Variants in TRIM27 observed in about 807,000 individuals in gnomAD.
TRIM27 encodes the protein tripartite motif containing 27, also known as zinc finger protein RFP.
TRIM27 carries 12 observed loss-of-function variants against 57.6 expected under a neutral mutation model. The observed-to-expected ratio is 0.21, with a 90% confidence interval of 0.13 to 0.34. The LOEUF (loss-of-function observed/expected upper bound fraction) is 0.34. TRIM27 is among the 10% of genes least tolerant of loss of function. TRIM27 has a pLI of 1.00. For missense variants in TRIM27, 403 were observed against 656.8 expected, an observed-to-expected ratio of 0.61 and a Z score of 4.22; for synonymous variants, 266 against 259.0, an observed-to-expected ratio of 1.03 and a Z score of -0.26.
intron 1 of TRIM27, among the ~76,000 whole-genome samples, chr6:28,922,759 T>C (rs1774144700): frequency 6.6e-6 from 1 of 152,208 alleles, no homozygotes; most frequent in Non-Finnish European, 1.5e-5. Context: ...TGTTCTTTTC[T>C]GTGAGTTTCT....
intron 4 of TRIM27, among the ~76,000 whole-genome samples, chr6:28,910,537 T>G (rs986364619): frequency 6.6e-6 from 1 of 151,764 alleles, no homozygotes; most frequent in Non-Finnish European, 1.5e-5. Context: ...ACCATGTTGG[T>G]CAGGCTGGTC....
Position 28,923,526 on chromosome 6 carries a change from C to T in TRIM27, c.107G>A (p.Cys36Tyr). 6.2e-7 allele frequency: 1 copy of T among 1,612,086 alleles called. No homozygotes were observed. The highest frequency in any genetic ancestry group is 8.5e-7 in the Non-Finnish European group (1 of 1,179,638). The part of the protein sequence containing the change: ...PMMLDCGHNI[C>Y]CACLARCWGT... ...CCAGCAGCGGGCGAGGCACGCGCAACAGATGTTATGGCCGCAGTCGAGCAT... is the reference window on the plus strand; with the variant it reads ...CCAGCAGCGGGCGAGGCACGCGCAATAGATGTTATGGCCGCAGTCGAGCAT... Residue 36 changes from cysteine (C) to tyrosine (Y), a missense_variant, in exon 1 of 8, where the codon TGT (cysteine) becomes TAT (tyrosine). Physicochemically the swap from Cys to Tyr is radical, Grantham distance 194. Transcript: ENST00000377199.
intron 3 of TRIM27, among the ~76,000 whole-genome samples, chr6:28,912,183 C>T (rs772615958): frequency 1.3e-5 from 2 of 150,144 alleles, no homozygotes; most frequent in Non-Finnish European, 2.9e-5. Flanking sequence ...GATCTTGGCT[C>T]ACTGCAACCT....
At chr6:28,922,902 G>A (rs951169400) in intron 1 of TRIM27, among the ~76,000 whole-genome samples, 2 of 152,134 alleles carry the variant, frequency 1.3e-5, no homozygotes, top group Admixed American at 6.5e-5. Context: ...TTGTCGATGT[G>A]TACGCGGTTT....
At chr6:28,913,045 CG>C (rs1773324990) in intron 3 of TRIM27, among the ~76,000 whole-genome samples, 1 of 151,966 alleles carries the variant, frequency 6.6e-6, no homozygotes, top group Non-Finnish European at 1.5e-5. Context: ...CACCTGAGGT[CG>C]GGAGTTTGGG....
chr6:28,919,958 G>C, intron 3 of TRIM27, 54 bp downstream of exon 3: 1 of 1,538,642 alleles, frequency 6.5e-7, no homozygotes, highest in Non-Finnish European at 8.8e-7. Flanking sequence ...TGGCAAAGGA[G>C]AAGGGACGAT....
rs1774289252 is a variant in TRIM27, at chr6:28,923,985, T to G, written c.-353A>C. ...GTCCGAGCGGATGCCGGCGGCAGCG[T>G]AAACCCCACCCCAGCGCGAGCGGAA... On this transcript the variant is annotated 5_prime_UTR_variant, in exon 1 of 8. Coordinates refer to ENST00000377199, the MANE Select transcript of TRIM27 (RefSeq NM_006510.5). The G allele has an allele frequency of 3.1e-6, 1 of 323,114 alleles. No individual in the cohort carries two copies. Among genetic ancestry groups the G allele is most frequent in the African/African-American group, 2.1e-5 (1 of 47,292 alleles). 20.0% of individuals were successfully genotyped at this position (323,114 alleles called of 1,614,324 possible). A position where few individuals can be genotyped will look rare whatever the true frequency, so the allele number is the denominator to read the frequency against.
chr6:28,920,415 T>C (rs535432468), intron 2 of TRIM27, among the ~76,000 whole-genome samples, 173 bp from the exon 3 acceptor site: 1 of 152,268 alleles, frequency 6.6e-6, no homozygotes, highest in Non-Finnish European at 1.5e-5. Flanking sequence ...AGGAACTGAA[T>C]TACCCCAGTG....
At position 28,904,915 on chromosome 6, in the gene TRIM27, C is replaced by T; in HGVS notation, c.947-250G>A. ...TCACATCTGAAGCCACAATATCCAT[C>T]ATGAACTGATTTTAAGAGATAGGGT... is the stretch of plus-strand genomic sequence containing the variant. On this transcript the variant is annotated intron_variant, in intron 7 of 7. Coordinates refer to ENST00000377199, the MANE Select transcript of TRIM27 (RefSeq NM_006510.5). This position sits in a 1 kb window ranked among gnomAD's most constrained non-coding sequence, Gnocchi z 6.1. The T allele has an allele frequency of 1.9e-6, 1 of 537,408 alleles. No individual in the cohort carries two copies. The highest frequency in any genetic ancestry group is 3.3e-6 in the Non-Finnish European group (1 of 303,028). The allele number at this position is 537,408 out of a possible 1,614,324, so 33.3% of individuals were successfully genotyped here.
intron 7 of TRIM27, chr6:28,906,942 T>C: frequency 2.6e-6 from 1 of 391,892 alleles, no homozygotes; most frequent in Non-Finnish European, 4.6e-6. Context: ...AGCAGTGTAC[T>C]AGTGTACCAG....
Position 28,923,720 on chromosome 6 carries a change from T to G in TRIM27, c.-88A>C. 7.2e-7 allele frequency: 1 copy of G among 1,380,768 alleles called. No homozygotes were observed. Among genetic ancestry groups the G allele is most frequent in the Non-Finnish European group, 9.6e-7 (1 of 1,044,152 alleles). 85.5% of individuals were successfully genotyped at this position (1,380,768 alleles called of 1,614,324 possible). ...CTCTCCGGCGCTCTCTCCGGTTCGC[T>G]GTTCCTGAGAGGCACCGGGCGGACG... On this transcript the variant is annotated 5_prime_UTR_variant, in exon 1 of 8. Transcript: ENST00000377199.
intron 4 of TRIM27, among the ~76,000 whole-genome samples, chr6:28,910,634 C>CA (rs1773132207): frequency 2.0e-5 from 3 of 152,132 alleles, no homozygotes; most frequent in African/African-American, 7.2e-5. Context: ...CCAACCTGCA[C>CA]ATTTCTTTTA....
intron 3 of TRIM27, 146 bp from the exon 4 acceptor site, chr6:28,911,864 T>C (rs1773232158): frequency 1.3e-6 from 1 of 757,010 alleles, no homozygotes; most frequent in Non-Finnish European, 2.2e-6. Flanking sequence ...TAACTCAGTG[T>C]TGAGGAGCTA....
intron 3 of TRIM27, among the ~76,000 whole-genome samples, chr6:28,914,320 C>T (rs1182605901): frequency 6.6e-6 from 1 of 151,272 alleles, no homozygotes; most frequent in South Asian, 2.1e-4. Context: ...TTTTTAATAG[C>T]GACGGGGTTT....
Position 28,911,680 on chromosome 6 carries a change from A to C in TRIM27, c.770+16T>G, listed in dbSNP as rs747778010. The C allele has an allele frequency of 1.2e-6, 2 of 1,610,720 alleles. No individual in the cohort carries two copies. The highest frequency in any genetic ancestry group is 4.5e-5 in the East Asian group (2 of 44,836). On this transcript the variant is annotated intron_variant, in intron 4 of 7. Coordinates refer to ENST00000377199, the MANE Select transcript of TRIM27 (RefSeq NM_006510.5). ...TCTCATATTTGATTTAACACTAGGG[A>C]AACAGAAAACTATACCTGCTCAATG...
In TRIM27 at chr6:28,904,445, T is replaced by C; in HGVS notation, c.1167A>G (p.Glu389=). The C allele has an allele frequency of 6.2e-7, 1 of 1,613,040 alleles. No homozygotes were observed. Among genetic ancestry groups the C allele is most frequent in the Non-Finnish European group, 8.5e-7 (1 of 1,180,026 alleles). Residue 389 remains glutamate (E), a synonymous_variant, in exon 8 of 8, where the codon GAA becomes GAG. Transcript: ENST00000377199. This position sits in a 1 kb window ranked among gnomAD's most constrained non-coding sequence, Gnocchi z 6.1. ...DKAKWTIGVC[E]DSVCRKGGVT... ...CTCCACCTTTTCTGCACACTGAGTC[T>C]TCACAGACACCTATGGTCCACTTGG...
chr6:28,916,948 C>A (rs1451244531), intron 3 of TRIM27, among the ~76,000 whole-genome samples: 2 of 151,758 alleles, frequency 1.3e-5, no homozygotes, highest in African/African-American at 4.8e-5. Flanking sequence ...TCAAGACCAG[C>A]CGAGGCAACA....
At chr6:28,911,670 A>T (rs780195034) in intron 4 of TRIM27, 26 bp downstream of exon 4, 6 of 1,607,384 alleles carry the variant, frequency 3.7e-6, no homozygotes, top group East Asian at 2.2e-5. Flanking sequence ...TATTTGATTT[A>T]ACACTAGGGA....
intron 3 of TRIM27, among the ~76,000 whole-genome samples, chr6:28,914,418 A>T (rs1773449197): frequency 6.6e-6 from 1 of 151,980 alleles, no homozygotes; most frequent in Non-Finnish European, 1.5e-5. Flanking sequence ...TACAGGTGTG[A>T]GTCACTGCAC....
Sources: allele counts gnomAD v4.1 joint callset (sites outside exome capture counted in the v4.1 genomes callset), GRCh38; gene constraint gnomAD v4.1.1; non-coding constraint Gnocchi (gnomAD v3.1); transcripts MANE v1.5; gene names NCBI Gene and HGNC (gene_info 2026-07-23, HGNC 2026-07-21).